DRC7: variants seen among roughly 807,000 people sequenced by gnomAD.
DRC7 encodes coiled-coil domain containing 135.
Under a neutral mutation model 104.4 loss-of-function variants are expected in DRC7, and 80 were observed. The ratio of observed to expected loss-of-function variants is 0.77; its 90% CI spans 0.64 to 0.92. The LOEUF (loss-of-function observed/expected upper bound fraction) is 0.92, where lower values mean the gene tolerates loss of function less well. DRC7 is among the 40% of genes least tolerant of loss of function. The pLI is 0.00. For missense variants in DRC7, 1,034 were observed against 1,141.1 expected, an observed-to-expected ratio of 0.91 and a Z score of 1.35; for synonymous variants, 405 against 447.3, an observed-to-expected ratio of 0.91 and a Z score of 1.19.
intron 3 of DRC7, 32 bp downstream of exon 3, chr16:57,698,184 G>T (rs777349895): frequency 2.5e-6 from 4 of 1,613,118 alleles, no homozygotes; most frequent in East Asian, 2.2e-5. Flanking sequence ...CCCTGGCAAG[G>T]GTAGACCGGG....
At chr16:57,709,634 C>T (rs189608059) in intron 8 of DRC7, among the ~76,000 whole-genome samples, 37 of 151,826 alleles carry the variant, frequency 2.4e-4, no homozygotes, top group African/African-American at 8.9e-4. Flanking sequence ...TGATTGTGTT[C>T]CCCCCTTTTT....
chr16:57,729,461 A>G (rs1350435010), intron 17 of DRC7, among the ~76,000 whole-genome samples: 110 of 16,214 alleles, frequency 6.8e-3, no homozygotes, highest in Middle Eastern at 0.045. Flanking sequence ...TGGGTGGATG[A>G]GTGAGTGGGT....
At chr16:57,698,252 G>C (rs1186807104) in intron 3 of DRC7, 100 bp downstream of exon 3, 43 of 1,545,772 alleles carry the variant, frequency 2.8e-5, no homozygotes, top group Non-Finnish European at 3.5e-5. Flanking sequence ...GGGTGACCAG[G>C]AGATAGAGGG....
At position 57,731,250 on chromosome 16, in the gene DRC7, T is replaced by C. The variant is rs761050432; in HGVS notation, c.2617T>C (p.Phe873Leu). ...ACGCCTGGGGGAGCTCCAGAAAATA[T>C]TCGCTTGATGTCCCTCCTGGGGCCT... is the stretch of plus-strand genomic sequence containing the variant. ...DPRLGELQKI[F>L]A The change falls in exon 19 of 19, where the codon TTC becomes CTC. Residue 873 changes from phenylalanine to leucine, a missense_variant. Transcript: ENST00000360716. The C allele has an allele frequency of 3.7e-6, 6 of 1,612,998 alleles. No individual in the cohort carries two copies. Among genetic ancestry groups the C allele is most frequent in the African/African-American group, 1.3e-5 (1 of 74,914 alleles).
At chr16:57,697,311 A>G (rs1394068210) in intron 2 of DRC7, among the ~76,000 whole-genome samples, 2 of 151,930 alleles carry the variant, frequency 1.3e-5, no homozygotes, top group East Asian at 3.9e-4. Context: ...ACAATGGCTC[A>G]TGCCTGTAAT....
intron 5 of DRC7, among the ~76,000 whole-genome samples, chr16:57,700,716 T>G (rs1447049276): frequency 1.3e-5 from 2 of 150,438 alleles, no homozygotes; most frequent in Admixed American, 6.6e-5. Flanking sequence ...AAAGTGAGAC[T>G]TTTAATGATG....
chr16:57,726,541 C>T, intron 14 of DRC7: 1 of 564,992 alleles, frequency 1.8e-6, no homozygotes, highest in African/African-American at 1.9e-5. Context: ...GGGCAAACCT[C>T]AGATCCTAGG....
intron 8 of DRC7, among the ~76,000 whole-genome samples, chr16:57,712,073 A>G (rs2048795896): frequency 6.6e-6 from 1 of 152,194 alleles, no homozygotes; most frequent in Admixed American, 6.5e-5. Flanking sequence ...GCTTTGGGAA[A>G]GGGCTGTTAT....
At chr16:57,724,391 A>C (rs372553073) in intron 12 of DRC7, among the ~76,000 whole-genome samples, 15 of 152,232 alleles carry the variant, frequency 9.9e-5, no homozygotes, top group African/African-American at 3.4e-4. Flanking sequence ...ATAATGGACA[A>C]GAACAAAAAA....
chr16:57,698,485 G>A (rs1210526601), intron 3 of DRC7, among the ~76,000 whole-genome samples: 8 of 151,920 alleles, frequency 5.3e-5, no homozygotes, highest in Admixed American at 3.3e-4. Flanking sequence ...CCAGGAGTTC[G>A]AGACCAGCCC....
chr16:57,723,148 CCTGG>C lies in DRC7; in HGVS notation c.1537+19_1537+22del. 6.2e-7 allele frequency: 1 copy of C among 1,611,402 alleles called. No homozygotes were observed. The highest frequency in any genetic ancestry group is 8.5e-7 in the Non-Finnish European group (1 of 1,178,614). The stretch of plus-strand genomic sequence containing the variant: ...TCTGCGCGGTGCGTGGCTCCCCTTT[CCTGG>C]GCCACCCAGGAGCCTGGGGTAGAGG... On this transcript the variant is annotated intron_variant, in intron 12 of 18. Coordinates refer to ENST00000360716, the MANE Select transcript of DRC7 (RefSeq NM_001289162.2).
intron 17 of DRC7, among the ~76,000 whole-genome samples, chr16:57,729,078 A>AG: frequency 1.4e-5 from 2 of 145,902 alleles, no homozygotes; most frequent in South Asian, 2.3e-4. Flanking sequence ...GAGTGGATGG[A>AG]TGAGTGGGTA....
intron 4 of DRC7, among the ~76,000 whole-genome samples, chr16:57,699,921 G>A (rs534103155): frequency 6.6e-6 from 1 of 152,142 alleles, no homozygotes; most frequent in Admixed American, 6.5e-5. Flanking sequence ...ACATGATAAG[G>A]GCCTCCCAGT....
chr16:57,722,980 C>G (rs1310255723), intron 11 of DRC7, 22 bp from the exon 12 acceptor site: 1 of 1,613,594 alleles, frequency 6.2e-7, no homozygotes, highest in South Asian at 1.1e-5. Context: ...CTGGCTGCGG[C>G]AAGTGTCCAT....
In DRC7 at chr16:57,697,980, G is replaced by A. The variant is rs1264487965; in HGVS notation, c.31G>A (p.Glu11Lys). The A allele has an allele frequency of 3.7e-6, 6 of 1,613,282 alleles. No individual in the cohort carries two copies. Among genetic ancestry groups the A allele is most frequent in the Non-Finnish European group, 5.1e-6 (6 of 1,180,016 alleles). Residue 11 changes from glutamate to lysine, a missense_variant, in exon 3 of 19, where the codon GAG (glutamate) becomes AAG (lysine). By Grantham distance (56) the Glu-to-Lys change is moderately conservative. Transcript: ENST00000360716. MEVLREKVEE[E>K]EEAEREEAAE... ...GGTCCTGAGGGAGAAGGTGGAGGAG[G>A]AGGAGGAGGCCGAGCGGGAGGAGGC...
In DRC7 at chr16:57,700,371, G is replaced by A. The variant is rs115834845; in HGVS notation, c.504+101G>A. ...AACCCAAAGAATGGACTTAGAGGCC[G>A]GGCGTGGTAGCTCATGCCTGTAATC... is the stretch of plus-strand genomic sequence containing the variant. On this transcript the variant is annotated intron_variant, in intron 5 of 18. Coordinates refer to ENST00000360716, the MANE Select transcript of DRC7 (RefSeq NM_001289162.2). 3,561 of 1,434,256 alleles carry A rather than the reference G, an allele frequency of 2.5e-3. 77 individuals are homozygous for A. In the African/African-American group the frequency reaches 0.044, roughly 18 times the overall value. 88.8% of individuals were successfully genotyped at this position (1,434,256 alleles called of 1,614,324 possible).
At chr16:57,719,825 G>C (rs1345989571) in intron 9 of DRC7, among the ~76,000 whole-genome samples, 1 of 152,106 alleles carries the variant, frequency 6.6e-6, no homozygotes, top group Non-Finnish European at 1.5e-5. Flanking sequence ...GTCATATTGG[G>C]TTAGGGCCCA....
intron 7 of DRC7, among the ~76,000 whole-genome samples, chr16:57,706,489 CTCATCCATGCTT>C: frequency 7.3e-6 from 1 of 137,694 alleles, no homozygotes; most frequent in Non-Finnish European, 1.6e-5. Context: ...CATCCGTCCT[CTCATCCATGCTT>C]CCATCCATCC....
intron 7 of DRC7, among the ~76,000 whole-genome samples, chr16:57,706,229 C>CA (rs2048724065): frequency 7.0e-6 from 1 of 142,740 alleles, no homozygotes; most frequent in Admixed American, 6.9e-5. Context: ...TCCATCCATC[C>CA]TCCCACCCAC....
Sources: allele counts gnomAD v4.1 joint callset (sites outside exome capture counted in the v4.1 genomes callset), GRCh38; gene constraint gnomAD v4.1.1; transcripts MANE v1.5; gene names NCBI Gene and HGNC (gene_info 2026-07-23, HGNC 2026-07-21).